The following PDCD7 variants were observed in gnomAD, a reference collection of about 807,000 sequenced individuals.
PDCD7 encodes programmed cell death protein 7.
PDCD7 carries 40 observed loss-of-function variants against 42.1 expected under a neutral mutation model. The observed-to-expected ratio is 0.95, with a 90% CI of 0.74 to 1.24. The LOEUF (loss-of-function observed/expected upper bound fraction) is 1.24, where lower values mean the gene tolerates loss of function less well. Ranked by LOEUF, PDCD7 falls within the 50% of genes most tolerant of loss-of-function variation. The pLI, the probability that PDCD7 is intolerant of heterozygous loss-of-function variation, is 0.00. For missense variants in PDCD7, 644 were observed against 662.8 expected, an observed-to-expected ratio of 0.97 and a Z score of 0.31; for synonymous variants, 299 against 303.3, an observed-to-expected ratio of 0.99 and a Z score of 0.15.
Position 65,133,404 on chromosome 15 carries a change from C to G in PDCD7, c.378G>C (p.Pro126=), listed in dbSNP as rs1187643647. 3.7e-5 allele frequency: 44 copies of G among 1,184,446 alleles called. No individual in the cohort carries two copies. The highest frequency in any genetic ancestry group is 4.1e-5 in the Non-Finnish European group (39 of 958,488). The allele number at this position is 1,184,446 out of a possible 1,614,324, so 73.4% of individuals were successfully genotyped here. The change falls in exon 1 of 5, where the codon CCG becomes CCC. Residue 126 remains proline, a synonymous_variant. Transcript: ENST00000204549. The part of the protein sequence containing the change: ...PPWSPRWPEA[P]PPPADVLGDA... The stretch of plus-strand genomic sequence containing the variant: ...CCCCGAGCACGTCGGCCGGCGGCGG[C>G]GGCGCCTCAGGCCACCGCGGGCTCC...
intron 1 of PDCD7, among the ~76,000 whole-genome samples, chr15:65,130,312 A>G (rs1238157713): frequency 2.6e-5 from 4 of 151,086 alleles, no homozygotes; most frequent in Non-Finnish European, 5.9e-5. Context: ...TCCTGCCACC[A>G]TGCCCAGCTA....
Position 65,119,800 on chromosome 15 carries a change from T to C in PDCD7, c.1164A>G (p.Glu388=), listed in dbSNP as rs1333932777. 4 of 1,613,048 alleles carry C rather than the reference T, an allele frequency of 2.5e-6. No homozygotes were observed. The highest frequency in any genetic ancestry group is 3.4e-6 in the Non-Finnish European group (4 of 1,179,572). Residue 388 remains glutamate (E), a synonymous_variant, in exon 3 of 5, where the codon GAA becomes GAG. Coordinates refer to ENST00000204549, the MANE Select transcript of PDCD7 (RefSeq NM_005707.2). ...TTTCTTTTCTTTGTTTCTTTTCTAA[T>C]TCTCTTTTCCTCTCTTCCTCTTGTT... is the stretch of plus-strand genomic sequence containing the variant. The part of the protein sequence containing the change: ...EGEQEEERKR[E]LEKKQRKEKE...
chr15:65,126,824 A>C (rs958712360), intron 2 of PDCD7, among the ~76,000 whole-genome samples: 13 of 151,806 alleles, frequency 8.6e-5, no homozygotes, highest in Non-Finnish European at 1.2e-4. Context: ...AATCTGGAAG[A>C]CATTTCATTG....
Position 65,118,633 on chromosome 15 carries a change from T to C in PDCD7, c.*84A>G. ...CACATGGAATTTAGAAGTTGCAGTTTAGTCTACAGCAAAAGATGGCACCAT... is the reference window on the plus strand; with the variant it reads ...CACATGGAATTTAGAAGTTGCAGTTCAGTCTACAGCAAAAGATGGCACCAT... On this transcript the variant is annotated 3_prime_UTR_variant, in exon 5 of 5. Coordinates refer to ENST00000204549, the MANE Select transcript of PDCD7 (RefSeq NM_005707.2). The C allele has an allele frequency of 7.3e-7, 1 of 1,375,074 alleles. No homozygotes were observed. The highest frequency in any genetic ancestry group is 9.8e-7 in the Non-Finnish European group (1 of 1,024,960). The allele number at this position is 1,375,074 out of a possible 1,614,324, so 85.2% of individuals were successfully genotyped here.
chr15:65,119,147 C>A (rs2087430971), intron 4 of PDCD7: 1 of 489,346 alleles, frequency 2.0e-6, no homozygotes, highest in Non-Finnish European at 3.6e-6. Context: ...GAGTTTTTTT[C>A]TTCACCTATA....
intron 2 of PDCD7, among the ~76,000 whole-genome samples, chr15:65,122,941 ACAGTGAGCCGAGATCG>A (rs1279060668): frequency 6.6e-6 from 1 of 151,816 alleles, no homozygotes. Context: ...AGCGGGGCTT[ACAGTGAGCCGAGATCG>A]CACCACGGCA....
intron 2 of PDCD7, among the ~76,000 whole-genome samples, chr15:65,126,107 A>C (rs923270312): frequency 2.0e-5 from 3 of 152,128 alleles, no homozygotes; most frequent in African/African-American, 7.2e-5. Flanking sequence ...TCAAGATGAG[A>C]TTTGGGTGGG....
chr15:65,133,736 G>A lies in PDCD7; in HGVS notation c.46C>T (p.Pro16Ser), dbSNP rs758396887. Reference sequence around the variant, plus strand: ...GGAGCAGGAGGCGGCGGCTGCGGGGGCGGTGGGCCTGGGCGACCCTGGCCG... The same window carrying A: ...GGAGCAGGAGGCGGCGGCTGCGGGGACGGTGGGCCTGGGCGACCCTGGCCG... The part of the protein sequence containing the change: ...FFGQGRPGPP[P>S]PQPPPPAPFG... The change falls in exon 1 of 5, where the codon CCC (proline) becomes TCC (serine). Residue 16 changes from proline to serine, a missense_variant. Pro to Ser is a moderately conservative substitution (Grantham distance 74, BLOSUM62 -1). Transcript: ENST00000204549. The A allele has an allele frequency of 6.1e-6, 8 of 1,318,594 alleles. No homozygotes were observed. The highest frequency in any genetic ancestry group is 3.1e-5 in the East Asian group (1 of 32,596). 81.7% of individuals were successfully genotyped at this position (1,318,594 alleles called of 1,614,324 possible). A position where few individuals can be genotyped will look rare whatever the true frequency, so the allele number is the denominator to read the frequency against.
In PDCD7 at chr15:65,133,168, C is replaced by CAGG; in HGVS notation, c.611_613dup (p.Ala204_Trp205insSer). 2.0e-6 allele frequency: 3 copies of CAGG among 1,466,116 alleles called. No homozygotes were observed. Among genetic ancestry groups the CAGG allele is most frequent in the Non-Finnish European group, 1.8e-6 (2 of 1,119,666 alleles). 90.8% of individuals were successfully genotyped at this position (1,466,116 alleles called of 1,614,324 possible). A position where few individuals can be genotyped will look rare whatever the true frequency, so the allele number is the denominator to read the frequency against. ...CGCGGTCTGGGAGTACAGCAGGACC[C>CAGG]AGGCCGCGCCGTCGGCTTCGGCCTC... On this transcript the variant is annotated inframe_insertion, in exon 1 of 5. Coordinates refer to ENST00000204549, the MANE Select transcript of PDCD7 (RefSeq NM_005707.2).
rs1468860102 is a variant in PDCD7 at position 65,119,855 on chromosome 15, T to C, written c.1109A>G (p.Glu370Gly). Residue 370 changes from glutamate to glycine, a missense_variant, in exon 3 of 5, where the codon GAG (glutamate) becomes GGG (glycine). Glu to Gly is a moderately conservative substitution (Grantham distance 98). Coordinates refer to ENST00000204549, the MANE Select transcript of PDCD7 (RefSeq NM_005707.2). Reference protein sequence around the residue: ...KKRSELYEAEERALRVMLEGE... With the variant: ...KKRSELYEAEGRALRVMLEGE... ...TTCTAGCATAACTCTGAGGGCTCTC[T>C]CTTCAGCTTCATACAGTTCAGAGCG... 3.7e-6 allele frequency: 6 copies of C among 1,614,230 alleles called. No individual in the cohort carries two copies. The highest frequency in any genetic ancestry group is 4.2e-6 in the Non-Finnish European group (5 of 1,180,030).
At chr15:65,131,575 C>T (rs2087540117) in intron 1 of PDCD7, among the ~76,000 whole-genome samples, 1 of 151,956 alleles carries the variant, frequency 6.6e-6, no homozygotes, top group African/African-American at 2.4e-5. Flanking sequence ...ATGGAGAAAC[C>T]CTGTCTCTAC....
At chr15:65,122,495 T>C (rs1410861381) in intron 2 of PDCD7, among the ~76,000 whole-genome samples, 1 of 152,228 alleles carries the variant, frequency 6.6e-6, no homozygotes, top group Non-Finnish European at 1.5e-5. Context: ...GTTACATGTA[T>C]GTAATTTCCA....
At chr15:65,131,088 C>A (rs548205297) in intron 1 of PDCD7, among the ~76,000 whole-genome samples, 1 of 152,244 alleles carries the variant, frequency 6.6e-6, no homozygotes, top group South Asian at 2.1e-4. Context: ...ATGAGGCAGG[C>A]GAGCAAGTGA....
intron 1 of PDCD7, among the ~76,000 whole-genome samples, chr15:65,130,946 T>A (rs952284719): frequency 6.6e-6 from 1 of 152,128 alleles, no homozygotes; most frequent in Non-Finnish European, 1.5e-5. Flanking sequence ...GCACCTATAG[T>A]TGAATTCCTA....
At chr15:65,132,124 G>GTGTATATATATA (rs892091863) in intron 1 of PDCD7, among the ~76,000 whole-genome samples, 2 of 140,956 alleles carry the variant, frequency 1.4e-5, no homozygotes, top group African/African-American at 5.2e-5. Flanking sequence ...GTATGTATGT[G>GTGTATATATATA]TATATATATA....
In PDCD7 at chr15:65,118,491, T is replaced by TA; in HGVS notation, c.*225dup. On this transcript the variant is annotated 3_prime_UTR_variant, in exon 5 of 5. Coordinates refer to ENST00000204549, the MANE Select transcript of PDCD7 (RefSeq NM_005707.2). ...AACCAAGGTCATTCACTGCCTGTGG[T>TA]AAAAACCTCAGTTCACCTAAGTCCT... 2.4e-6 allele frequency: 1 copy of TA among 414,416 alleles called. No homozygotes were observed. The highest frequency in any genetic ancestry group is 4.2e-6 in the Non-Finnish European group (1 of 240,824). The allele number at this position is 414,416 out of a possible 1,614,324, so 25.7% of individuals were successfully genotyped here.
At chr15:65,121,166 T>A (rs2087451981) in intron 2 of PDCD7, among the ~76,000 whole-genome samples, 1 of 151,358 alleles carries the variant, frequency 6.6e-6, no homozygotes, top group Admixed American at 6.6e-5. Context: ...CAAGCGATTC[T>A]CCTGACTCAG....
chr15:65,119,354 A>T, intron 4 of PDCD7, 22 bp downstream of exon 4: 3 of 1,561,718 alleles, frequency 1.9e-6, no homozygotes, highest in Non-Finnish European at 2.6e-6. Context: ...GAAAGACAAC[A>T]TGGAGAGCCA....
Position 65,133,702 on chromosome 15 carries a change from C to G in PDCD7, c.80G>C (p.Cys27Ser), listed in dbSNP as rs765810966. 2.0e-5 allele frequency: 25 copies of G among 1,281,108 alleles called. No homozygotes were observed. Among genetic ancestry groups the G allele is most frequent in the Non-Finnish European group, 2.5e-5 (25 of 1,007,106 alleles). The allele number at this position is 1,281,108 out of a possible 1,614,324, so 79.4% of individuals were successfully genotyped here. Residue 27 changes from cysteine to serine, a missense_variant, in exon 1 of 5, where the codon TGT becomes TCT. By Grantham distance (112) the Cys-to-Ser change is moderately radical. Transcript: ENST00000204549. ...CGGGGAGGGCAGCGGCGGTGGCGGA[C>G]AGCCGAAAGGAGCAGGAGGCGGCGG... is the stretch of plus-strand genomic sequence containing the variant. The part of the protein sequence containing the change: ...PQPPPPAPFG[C>S]PPPPLPSPAF...
Sources: gnomAD v4.1 joint callset for allele counts (sites outside exome capture counted in the v4.1 genomes callset) on GRCh38, gnomAD v4.1.1 for gene constraint, MANE v1.5 for transcripts, NCBI Gene and HGNC (gene_info 2026-07-23, HGNC 2026-07-21) for gene names.